MTX2: variants seen among roughly 807,000 people sequenced by gnomAD.
MTX2 encodes metaxin-2.
MTX2 carries 35 observed loss-of-function variants against 42.3 expected under a neutral mutation model. The ratio of observed to expected loss-of-function variants is 0.83; its 90% CI spans 0.63 to 1.10. The LOEUF (loss-of-function observed/expected upper bound fraction) is 1.10. Among genes scored for constraint, MTX2 ranks in the 50% least tolerant of loss-of-function variants. The pLI is 0.00. For missense variants in MTX2, 307 were observed against 304.1 expected (o/e 1.01, Z -0.07); for synonymous variants, 119 against 100.9 (o/e 1.18, Z -1.08).
intron 1 of MTX2, among the ~76,000 whole-genome samples, chr2:176,278,041 G>GTTTTTTTT (rs59379339): frequency 2.4e-5 from 2 of 84,842 alleles, no homozygotes; most frequent in African/African-American, 5.5e-5. Flanking sequence ...GTTGAAACTG[G>GTTTTTTTT]TTTTTTTTTT....
At chr2:176,315,737 G>GTCA (rs575830346) in intron 3 of MTX2, among the ~76,000 whole-genome samples, 113 of 152,104 alleles carry the variant, frequency 7.4e-4, no homozygotes, top group Non-Finnish European at 1.4e-3. Context: ...CTCCCACATA[G>GTCA]TCATACTGGT....
At chr2:176,269,708 G>T in intron 1 of MTX2, 39 bp downstream of exon 1, 1 of 1,575,830 alleles carries the variant, frequency 6.3e-7, no homozygotes, top group Non-Finnish European at 8.6e-7. Flanking sequence ...GTGGCGGCGC[G>T]GTCTCGGGGA....
intron 1 of MTX2, among the ~76,000 whole-genome samples, chr2:176,292,285 A>C (rs1232452640): frequency 6.6e-6 from 1 of 152,236 alleles, no homozygotes; most frequent in East Asian, 1.9e-4. Context: ...CTATTGAAGT[A>C]GTTTGTGGTC....
At chr2:176,322,671 G>GT (rs1045298101) in intron 3 of MTX2, among the ~76,000 whole-genome samples, 3 of 151,802 alleles carry the variant, frequency 2.0e-5, no homozygotes, top group Admixed American at 1.3e-4. Flanking sequence ...TAGTAATAGA[G>GT]TTTTGCATTT....
intron 3 of MTX2, among the ~76,000 whole-genome samples, chr2:176,317,875 T>C (rs1303297650): frequency 6.6e-6 from 1 of 152,194 alleles, no homozygotes; most frequent in Non-Finnish European, 1.5e-5. Context: ...CTAATGCTTA[T>C]GTAGACTTTC....
At chr2:176,303,154 C>A (rs1684065106) in intron 3 of MTX2, among the ~76,000 whole-genome samples, 1 of 151,774 alleles carries the variant, frequency 6.6e-6, no homozygotes, top group Non-Finnish European at 1.5e-5. Context: ...CAGTTTAAAC[C>A]TGATGTAAAT....
At chr2:176,270,545 C>T (rs1446228878) in intron 1 of MTX2, 1 of 514,960 alleles carries the variant, frequency 1.9e-6, no homozygotes, top group Non-Finnish European at 3.2e-6. Flanking sequence ...TCATAACTCC[C>T]TAGCAGTGTT....
intron 3 of MTX2, among the ~76,000 whole-genome samples, chr2:176,316,163 A>G (rs2105433031): frequency 6.6e-6 from 1 of 152,300 alleles, no homozygotes; most frequent in South Asian, 2.1e-4. Context: ...CTCACCAGGA[A>G]GTTTCATAGT....
intron 1 of MTX2, among the ~76,000 whole-genome samples, chr2:176,273,894 G>C (rs1432326414): frequency 7.0e-6 from 1 of 143,284 alleles, no homozygotes; most frequent in South Asian, 2.3e-4. Flanking sequence ...TGTTTGTTTT[G>C]TTTTATTTTA....
At chr2:176,275,653 T>A (rs563501585) in intron 1 of MTX2, among the ~76,000 whole-genome samples, 1 of 152,206 alleles carries the variant, frequency 6.6e-6, no homozygotes, top group Non-Finnish European at 1.5e-5. Context: ...TTCAATACAT[T>A]ACTCACATTT....
rs61139522 is a variant in MTX2, at chr2:176,285,418, CTT to C, written c.41-11424_41-11423del. Among the ~76,000 whole-genome samples, 275 of 130,708 alleles carry C rather than the reference CTT, an allele frequency of 2.1e-3. 2 individuals are homozygous for C. Among genetic ancestry groups the C allele is most frequent in the African/African-American group, 6.0e-3 (215 of 35,698 alleles). The allele number at this position is 130,708 out of a possible 152,430, so 85.7% of individuals were successfully genotyped here. A position where few individuals can be genotyped will look rare whatever the true frequency, so the allele number is the denominator to read the frequency against. On this transcript the variant is annotated intron_variant, in intron 1 of 9. Transcript: ENST00000249442. ...ATAATTGTGTGACTATTGCCACAAT[CTT>C]TTTTTTTTTTTTTTTTTAGTTTTCC...
At chr2:176,322,305 A>T (rs1041089148) in intron 3 of MTX2, among the ~76,000 whole-genome samples, 2 of 152,160 alleles carry the variant, frequency 1.3e-5, no homozygotes, top group Non-Finnish European at 2.9e-5. Flanking sequence ...AATTATAATA[A>T]ACCTATGAGA....
chr2:176,336,806 C>A (rs1437655727), intron 9 of MTX2, among the ~76,000 whole-genome samples: 2 of 152,008 alleles, frequency 1.3e-5, no homozygotes, highest in Non-Finnish European at 2.9e-5. Flanking sequence ...GGATTTGTTT[C>A]TTACGTGGCT....
chr2:176,279,994 A>G (rs970962067), intron 1 of MTX2, among the ~76,000 whole-genome samples: 14 of 152,204 alleles, frequency 9.2e-5, no homozygotes, highest in African/African-American at 3.4e-4. Context: ...TTTGACTTTT[A>G]TGAAAAGATA....
chr2:176,283,322 A>G (rs1426110121), intron 1 of MTX2, among the ~76,000 whole-genome samples: 1 of 152,184 alleles, frequency 6.6e-6, no homozygotes, highest in Non-Finnish European at 1.5e-5. Context: ...TCTTTGTATT[A>G]TAGTTGTGGG....
At chr2:176,295,187 A>C (rs1056804410) in intron 1 of MTX2, among the ~76,000 whole-genome samples, 1 of 152,146 alleles carries the variant, frequency 6.6e-6, no homozygotes, top group Non-Finnish European at 1.5e-5. Context: ...ATTCTTTGAA[A>C]TTTTGTGAAT....
chr2:176,282,714 T>G (rs1334639580), intron 1 of MTX2, among the ~76,000 whole-genome samples: 14 of 151,814 alleles, frequency 9.2e-5, no homozygotes, highest in Admixed American at 8.5e-4. Context: ...TTTTTTGTTT[T>G]TTTTTTTGAG....
chr2:176,269,740 G>T, intron 1 of MTX2, 71 bp downstream of exon 1: 1 of 1,502,866 alleles, frequency 6.7e-7, no homozygotes, highest in South Asian at 1.2e-5. Flanking sequence ...TACAGGGCTG[G>T]AGCTTTCCTC....
intron 3 of MTX2, among the ~76,000 whole-genome samples, chr2:176,307,630 G>A (rs1684185926): frequency 6.6e-6 from 1 of 152,082 alleles, no homozygotes; most frequent in East Asian, 1.9e-4. Context: ...TCCCTTGTAA[G>A]TTGGATTCCT....
Sources: allele counts gnomAD v4.1 joint callset (sites outside exome capture counted in the v4.1 genomes callset), GRCh38; gene constraint gnomAD v4.1.1; transcripts MANE v1.5; gene names NCBI Gene and HGNC (gene_info 2026-07-23, HGNC 2026-07-21).